NPC1L1: variants seen among roughly 807,000 people sequenced by gnomAD.
NPC1L1 encodes NPC1-like intracellular cholesterol transporter 1.
In NPC1L1, 98 loss-of-function variants were observed where a neutral mutation model predicts 117.0. The ratio of observed to expected loss-of-function variants is 0.84; its 90% CI spans 0.71 to 0.99. NPC1L1 has a LOEUF of 0.99. Ranked by LOEUF, NPC1L1 falls within the 50% of genes least tolerant of loss-of-function variation. NPC1L1 has a pLI of 0.00. For missense variants in NPC1L1, 1,540 were observed against 1,710.0 expected, an observed-to-expected ratio of 0.90 and a Z score of 1.75; for synonymous variants, 729 against 727.6, an observed-to-expected ratio of 1.00 and a Z score of -0.03.
In NPC1L1 at chr7:44,536,157, G is replaced by C. The variant is rs1207662858; in HGVS notation, c.1854+99C>G. On this transcript the variant is annotated intron_variant, in intron 4 of 18. Coordinates refer to ENST00000381160, the MANE Select transcript of NPC1L1 (RefSeq NM_001101648.2). This position sits in a 1 kb window ranked among gnomAD's most constrained non-coding sequence, Gnocchi z 4.7. ...GTTCTGAGCAGGCAGCCACTGCCCAGGGTCACTTAGGAAGGGCCAGGGCCA... is the reference window on the plus strand; with the variant it reads ...GTTCTGAGCAGGCAGCCACTGCCCACGGTCACTTAGGAAGGGCCAGGGCCA... The C allele has an allele frequency of 1.3e-6, 2 of 1,577,852 alleles. No homozygotes were observed. The highest frequency in any genetic ancestry group is 1.7e-6 in the Non-Finnish European group (2 of 1,149,898).
chr7:44,514,435 A>C (rs1487452295), intron 18 of NPC1L1, among the ~76,000 whole-genome samples: 1 of 151,646 alleles, frequency 6.6e-6, no homozygotes, highest in African/African-American at 2.4e-5. Context: ...TGGGAGGCCA[A>C]GGCAGATGGA....
At chr7:44,517,405 C>A in intron 14 of NPC1L1, 48 bp from the exon 15 acceptor site, 1 of 1,601,980 alleles carries the variant, frequency 6.2e-7, no homozygotes, top group South Asian at 1.1e-5. Context: ...GGTCAGAGCC[C>A]TTTCCAGGAC....
rs1223511179 is a variant in NPC1L1, at chr7:44,517,363, C to G, written c.3137-6G>C. On this transcript the variant is annotated splice_region_variant and splice_polypyrimidine_tract_variant and intron_variant, in intron 14 of 18. Coordinates refer to ENST00000381160, the MANE Select transcript of NPC1L1 (RefSeq NM_001101648.2). Reference sequence around the variant, plus strand: ...ATAGGCCATGAACCTGGAGGCTGGACAGCCATGGCACACAGAAGATGGAAG... The same window carrying G: ...ATAGGCCATGAACCTGGAGGCTGGAGAGCCATGGCACACAGAAGATGGAAG... 1.2e-6 allele frequency: 2 copies of G among 1,609,934 alleles called. No individual in the cohort carries two copies. Among genetic ancestry groups the G allele is most frequent in the Non-Finnish European group, 1.7e-6 (2 of 1,180,014 alleles).
intron 1 of NPC1L1, among the ~76,000 whole-genome samples, chr7:44,540,997 G>A (rs1238998574): frequency 6.6e-6 from 1 of 152,050 alleles, no homozygotes; most frequent in Non-Finnish European, 1.5e-5. Context: ...TTTCACCCCT[G>A]TGTGCATTCA....
At chr7:44,533,170 T>G in intron 8 of NPC1L1, 1 of 389,646 alleles carries the variant, frequency 2.6e-6, no homozygotes, top group Non-Finnish European at 4.9e-6. Context: ...AATCTCCACA[T>G]TGTTCAAGGG....
In NPC1L1 at chr7:44,517,164, A is replaced by G. The variant is rs778035761; in HGVS notation, c.3287+43T>C. 9 of 1,613,414 alleles carry G rather than the reference A, an allele frequency of 5.6e-6. No homozygotes were observed. The South Asian group carries it at 8.8e-5, about 16-fold the overall frequency. ...CCACCCTAACCTCCAGTCTCCAGCA[A>G]CCATACCCCACCTCCCTCCAGCCCA... On this transcript the variant is annotated intron_variant, in intron 15 of 18. Coordinates refer to ENST00000381160, the MANE Select transcript of NPC1L1 (RefSeq NM_001101648.2).
chr7:44,540,544 G>A (rs532662109), intron 1 of NPC1L1, among the ~76,000 whole-genome samples: 12 of 152,200 alleles, frequency 7.9e-5, no homozygotes, highest in African/African-American at 2.6e-4. Context: ...CTTCCTGGGG[G>A]TGGCCTGATA....
chr7:44,513,250 C>A lies in NPC1L1; in HGVS notation c.*197G>T. On this transcript the variant is annotated 3_prime_UTR_variant, in exon 19 of 19. Coordinates refer to ENST00000381160, the MANE Select transcript of NPC1L1 (RefSeq NM_001101648.2). ...CTAGGTGACTTGGAAACTGGGGACCCACTATGGGAGCAGAGGAGCCATCAG... is the reference window on the plus strand; with the variant it reads ...CTAGGTGACTTGGAAACTGGGGACCAACTATGGGAGCAGAGGAGCCATCAG... The A allele has an allele frequency of 1.6e-6, 1 of 624,008 alleles. No homozygotes were observed. Among genetic ancestry groups the A allele is most frequent in the Admixed American group, 2.4e-5 (1 of 41,746 alleles). 38.7% of individuals were successfully genotyped at this position (624,008 alleles called of 1,614,324 possible). A position where few individuals can be genotyped will look rare whatever the true frequency, so the allele number is the denominator to read the frequency against.
rs1445096878 is a variant in NPC1L1, at chr7:44,539,496, G to A, written c.901C>T (p.Leu301=). ...LCSVFAVVTI[L]LVGFRVAPAR... is the part of the protein sequence containing the mutation. ...GGGGCCACACGGAATCCCACAAGCA[G>A]GATGGTGACCACAGCGAAGACAGAG... The change falls in exon 2 of 19, where the codon CTG becomes TTG. Residue 301 remains leucine, a synonymous_variant. Transcript: ENST00000381160. This position sits in a 1 kb window ranked among gnomAD's most constrained non-coding sequence, Gnocchi z 4.4. 2.5e-6 allele frequency: 4 copies of A among 1,613,726 alleles called. No homozygotes were observed. In the South Asian group the frequency reaches 4.4e-5, roughly 18 times the overall value.
At chr7:44,521,979 A>G in intron 11 of NPC1L1, 73 bp downstream of exon 11, 2 of 1,595,276 alleles carry the variant, frequency 1.3e-6, no homozygotes, top group South Asian at 1.1e-5. Context: ...AACATCAGGA[A>G]GAGGGGACTG....
In NPC1L1 at chr7:44,521,009, G is replaced by A. The variant is rs746814275; in HGVS notation, c.3063C>T (p.Asn1021=). The A allele has an allele frequency of 1.9e-6, 3 of 1,614,058 alleles. No homozygotes were observed. Among genetic ancestry groups the A allele is most frequent in the East Asian group, 2.2e-5 (1 of 44,886 alleles). The change falls in exon 13 of 19, where the codon AAC becomes AAT. Residue 1021 remains asparagine, a synonymous_variant. Coordinates refer to ENST00000381160, the MANE Select transcript of NPC1L1 (RefSeq NM_001101648.2). ...YLPWFLNDRP[N]IKCPKGGLAA... ...AAGCTTACCCTTTGGGACATTTGATGTTGGGCCGGTCGTTCAGGAACCAGG... is the reference window on the plus strand; with the variant it reads ...AAGCTTACCCTTTGGGACATTTGATATTGGGCCGGTCGTTCAGGAACCAGG...
Position 44,541,304 on chromosome 7 carries a change from G to A in NPC1L1, c.-45C>T. The stretch of plus-strand genomic sequence containing the variant: ...CAGCGGGGAGCCAGGCCAGGCCTCA[G>A]GAACAGCCAAGGGCTGAACACACAT... On this transcript the variant is annotated 5_prime_UTR_variant, in exon 1 of 19. Transcript: ENST00000381160. The A allele has an allele frequency of 1.3e-6, 2 of 1,541,290 alleles. No individual in the cohort carries two copies. The highest frequency in any genetic ancestry group is 1.8e-6 in the Non-Finnish European group (2 of 1,140,332).
In NPC1L1 at chr7:44,536,700, G is replaced by A. The variant is rs1801905618; in HGVS notation, c.1681+142C>T. On this transcript the variant is annotated intron_variant, in intron 3 of 18. Transcript: ENST00000381160. This position sits in a 1 kb window ranked among gnomAD's most constrained non-coding sequence, Gnocchi z 4.7. The stretch of plus-strand genomic sequence containing the variant: ...AGGAGATGGCAGAGAGAGGAAACAG[G>A]ACAGGGTTGGCCTACAGCTTCCAGA... The A allele has an allele frequency of 2.6e-6, 2 of 784,168 alleles. No homozygotes were observed. The highest frequency in any genetic ancestry group is 4.4e-6 in the Non-Finnish European group (2 of 453,288). 48.6% of individuals were successfully genotyped at this position (784,168 alleles called of 1,614,324 possible).
At position 44,539,828 on chromosome 7, in the gene NPC1L1, C is replaced by A. The variant is rs773743939; in HGVS notation, c.569G>T (p.Gly190Val). The change falls in exon 2 of 19, where the codon GGC (glycine) becomes GTC (valine). Residue 190 changes from glycine (G) to valine (V), a missense_variant. Coordinates refer to ENST00000381160, the MANE Select transcript of NPC1L1 (RefSeq NM_001101648.2). The surrounding 1 kb of genome is among the most constrained non-coding windows in gnomAD (Gnocchi z 4.4). ...ATTGCAAAGGGCAGAGCCATACACG[C>A]CACACATGGTGCCCACAGCCAGCGT... ...AATLAVGTMCGVYGSALCNAQ... is the reference protein window; with the variant it reads ...AATLAVGTMCVVYGSALCNAQ... 6.2e-7 allele frequency: 1 copy of A among 1,614,080 alleles called. No homozygotes were observed. Among genetic ancestry groups the A allele is most frequent in the Admixed American group, 1.7e-5 (1 of 60,030 alleles).
chr7:44,539,270 G>T lies in NPC1L1; in HGVS notation c.1127C>A (p.Thr376Asn). The T allele has an allele frequency of 1.2e-6, 2 of 1,614,104 alleles. No homozygotes were observed. Among genetic ancestry groups the T allele is most frequent in the Non-Finnish European group, 1.7e-6 (2 of 1,180,038 alleles). ...LAAGLVFTEL[T>N]TDPVELWSAP... ...CGACCACAGCTCCACGGGGTCCGTA[G>T]TGAGTTCTGTAAAGACCAGGCCCGC... The change falls in exon 2 of 19, where the codon ACT becomes AAT. Residue 376 changes from threonine to asparagine, a missense_variant. This residue lies in a region of NPC1L1 where 793 missense variants were observed against 820.4 expected (regional missense o/e 0.97). Coordinates refer to ENST00000381160, the MANE Select transcript of NPC1L1 (RefSeq NM_001101648.2). This position sits in a 1 kb window ranked among gnomAD's most constrained non-coding sequence, Gnocchi z 4.4.
intron 10 of NPC1L1, among the ~76,000 whole-genome samples, chr7:44,529,625 G>A (rs1343041054): frequency 1.3e-5 from 2 of 151,856 alleles, no homozygotes; most frequent in East Asian, 3.9e-4. Context: ...TGATCTGCCT[G>A]CCTCAGCCTC....
intron 10 of NPC1L1, among the ~76,000 whole-genome samples, chr7:44,524,513 A>G (rs76770490): frequency 0.015 from 2,216 of 152,266 alleles, 52 homozygotes; most frequent in African/African-American, 0.05. Context: ...CCACAACATC[A>G]GAAGGCCAAG....
At chr7:44,531,420 G>A (rs1801695084) in intron 10 of NPC1L1, among the ~76,000 whole-genome samples, 1 of 152,236 alleles carries the variant, frequency 6.6e-6, no homozygotes, top group South Asian at 2.1e-4. Context: ...CCCTCCCCGG[G>A]CTTCAGGCCC....
At chr7:44,517,837 C>T (rs1056005772) in intron 14 of NPC1L1, among the ~76,000 whole-genome samples, 12 of 152,024 alleles carry the variant, frequency 7.9e-5, no homozygotes, top group East Asian at 1.9e-4. Context: ...GGTTATTGGC[C>T]GGGTGTGGTG....
Sources: gnomAD v4.1 joint callset for allele counts (sites outside exome capture counted in the v4.1 genomes callset) on GRCh38, gnomAD v4.1.1 for gene constraint, gnomAD v4.1.1 regional missense constraint, Gnocchi (gnomAD v3.1) non-coding constraint, MANE v1.5 for transcripts, NCBI Gene and HGNC (gene_info 2026-07-23, HGNC 2026-07-21) for gene names.